The following PTPRD variants were observed in gnomAD, a reference collection of about 807,000 sequenced individuals.
PTPRD encodes the protein protein tyrosine phosphatase receptor type D.
PTPRD carries 34 observed loss-of-function variants against 214.5 expected under a neutral mutation model. The observed-to-expected ratio is 0.16, with a 90% confidence interval of 0.12 to 0.21. The LOEUF (loss-of-function observed/expected upper bound fraction) is 0.21. PTPRD is among the 10% of genes least tolerant of loss of function. The pLI is 1.00. For synonymous variants in PTPRD, 1,128 were observed against 845.7 expected, an observed-to-expected ratio of 1.33 and a Z score of -5.79; for missense variants, 2,545 against 2,398.7, an observed-to-expected ratio of 1.06 and a Z score of -1.27.
chr9:8,611,660 G>A (rs1467357267), intron 14 of PTPRD, among the ~76,000 whole-genome samples: 3 of 151,216 alleles, frequency 2.0e-5, no homozygotes, highest in African/African-American at 7.3e-5. Context: ...ACCTGTGTGT[G>A]ATCCAGCCAC....
At chr9:8,391,836 C>G (rs898704611) in intron 36 of PTPRD, among the ~76,000 whole-genome samples, 4 of 152,096 alleles carry the variant, frequency 2.6e-5, no homozygotes, top group Non-Finnish European at 5.9e-5. Flanking sequence ...AGGAGATGCA[C>G]AGGAGAATCA....
intron 11 of PTPRD, among the ~76,000 whole-genome samples, chr9:8,856,222 A>C (rs893314451): frequency 1.3e-5 from 2 of 151,978 alleles, no homozygotes; most frequent in Admixed American, 1.3e-4. Context: ...ATCTCTACAG[A>C]TCCCTTTACA....
chr9:10,214,136 T>G (rs2099529784), intron 3 of PTPRD, among the ~76,000 whole-genome samples: 1 of 152,172 alleles, frequency 6.6e-6, no homozygotes, highest in South Asian at 2.1e-4. Context: ...ATGCTTTGCT[T>G]TAATTTTTAC....
intron 11 of PTPRD, among the ~76,000 whole-genome samples, chr9:8,902,453 C>T (rs1203253284): frequency 5.3e-5 from 8 of 151,480 alleles, no homozygotes; most frequent in African/African-American, 1.9e-4. Flanking sequence ...AGTGATTCTC[C>T]TGCCTCAGCC....
rs145325302 is a variant in PTPRD, at chr9:8,518,098, C to G, written c.1293G>C (p.Ser431=). Residue 431 remains serine (S), a synonymous_variant, in exon 21 of 46, where the codon TCG becomes TCC. Transcript: ENST00000381196. ...PRDVQARMLS[S]TTILVQWKEP... ...CCTTCCACTGTACCAAAATGGTGGT[C>G]GAACTCAACATTCGTGCCTGGACAT... 1.2e-6 allele frequency: 2 copies of G among 1,614,132 alleles called. No individual in the cohort carries two copies. Among genetic ancestry groups the G allele is most frequent in the Non-Finnish European group, 1.7e-6 (2 of 1,180,024 alleles).
chr9:9,723,414 T>A (rs1278537966), intron 7 of PTPRD, among the ~76,000 whole-genome samples: 1 of 152,094 alleles, frequency 6.6e-6, no homozygotes, highest in Non-Finnish European at 1.5e-5. Context: ...AACAATGCCA[T>A]ACTTCATTGA....
rs146966054 is a variant in PTPRD at position 9,963,020 on chromosome 9, A to C, written c.-471-24410T>G. ...TTATATAGTTACACTATATAAAGTAAAAGTAGTATTTAAAGGTTATCTGAC... is the reference window on the plus strand; with the variant it reads ...TTATATAGTTACACTATATAAAGTACAAGTAGTATTTAAAGGTTATCTGAC... On this transcript the variant is annotated intron_variant, in intron 4 of 45. Transcript: ENST00000381196. Among the ~76,000 whole-genome samples, 13 of 152,140 alleles carry C rather than the reference A, an allele frequency of 8.5e-5. No homozygotes were observed. In the East Asian group the frequency reaches 2.5e-3, roughly 29 times the overall value.
intron 3 of PTPRD, among the ~76,000 whole-genome samples, chr9:10,270,801 C>T (rs2094374128): frequency 1.3e-5 from 2 of 152,062 alleles, no homozygotes; most frequent in Admixed American, 1.3e-4. Context: ...ATACATTGTA[C>T]AGTTTTTCCT....
intron 3 of PTPRD, among the ~76,000 whole-genome samples, chr9:10,056,404 T>C (rs2097649578): frequency 6.6e-6 from 1 of 150,936 alleles, no homozygotes; most frequent in South Asian, 2.1e-4. Context: ...CAATAAAAGA[T>C]ACCCACAGGA....
intron 7 of PTPRD, among the ~76,000 whole-genome samples, chr9:9,692,369 T>C (rs1166737381): frequency 6.6e-6 from 1 of 152,078 alleles, no homozygotes; most frequent in Non-Finnish European, 1.5e-5. Flanking sequence ...CCCAGCACCA[T>C]TTATTGAAGA....
chr9:10,141,614 A>G lies in PTPRD; in HGVS notation c.-544-107824T>C, dbSNP rs1436682747. On this transcript the variant is annotated intron_variant, in intron 3 of 45. Transcript: ENST00000381196. ...ACGAAATAAAAGAGGATACAAACAA[A>G]TGGAAGAATATTCCATGCTCATGGG... Among the ~76,000 whole-genome samples, 3 of 152,096 alleles carry G rather than the reference A, an allele frequency of 2.0e-5. No homozygotes were observed. The East Asian group carries it at 5.8e-4, about 29-fold the overall frequency.
chr9:9,915,069 T>C (rs760049460), intron 5 of PTPRD, among the ~76,000 whole-genome samples: 4 of 152,158 alleles, frequency 2.6e-5, no homozygotes, highest in Non-Finnish European at 5.9e-5. Flanking sequence ...CTCGCCATTA[T>C]CACCACAAAC....
rs2098967009 is a variant in PTPRD at position 9,791,500 on chromosome 9, T to A, written c.-367-24649A>T. On this transcript the variant is annotated intron_variant, in intron 5 of 45. Transcript: ENST00000381196. ...CATCTTGTGTGGAATCATAAAAGAG[T>A]CTCTTTCTTATAATGGGTTCTATCA... Among the ~76,000 whole-genome samples, 3 of 151,868 alleles carry A rather than the reference T, an allele frequency of 2.0e-5. No homozygotes were observed. The South Asian group carries it at 6.2e-4, about 31-fold the overall frequency.
intron 4 of PTPRD, among the ~76,000 whole-genome samples, chr9:9,984,522 A>G (rs924664053): frequency 6.6e-6 from 1 of 152,184 alleles, no homozygotes; most frequent in Non-Finnish European, 1.5e-5. Flanking sequence ...GATTGGACGC[A>G]GGTGAGCCAC....
intron 2 of PTPRD, among the ~76,000 whole-genome samples, chr9:10,384,467 A>G (rs947442737): frequency 2.0e-5 from 3 of 151,822 alleles, no homozygotes; most frequent in Non-Finnish European, 4.4e-5. Context: ...TAATACATAT[A>G]TTGAGCAAAA....
At chr9:9,246,052 A>G (rs971942386) in intron 9 of PTPRD, among the ~76,000 whole-genome samples, 3 of 152,042 alleles carry the variant, frequency 2.0e-5, no homozygotes, top group African/African-American at 7.2e-5. Flanking sequence ...TTTTAATGAG[A>G]CTAAACTGAT....
At chr9:10,254,618 C>CA (rs2093083481) in intron 3 of PTPRD, among the ~76,000 whole-genome samples, 1 of 152,142 alleles carries the variant, frequency 6.6e-6, no homozygotes, top group Admixed American at 6.6e-5. Flanking sequence ...ATTATCTTTG[C>CA]AGTCCTCACA....
chr9:9,534,204 G>A (rs1424632595), intron 8 of PTPRD, among the ~76,000 whole-genome samples: 2 of 152,056 alleles, frequency 1.3e-5, no homozygotes, highest in Non-Finnish European at 2.9e-5. Context: ...ACTTGTTAAT[G>A]TTTCTCTATA....
intron 9 of PTPRD, among the ~76,000 whole-genome samples, chr9:9,222,596 T>C (rs886621351): frequency 1.2e-4 from 19 of 152,178 alleles, no homozygotes; most frequent in African/African-American, 3.9e-4. Flanking sequence ...GTCCCTACCA[T>C]ATATTTTCTT....
Sources: allele counts gnomAD v4.1 joint callset (sites outside exome capture counted in the v4.1 genomes callset), GRCh38; gene constraint gnomAD v4.1.1; transcripts MANE v1.5; gene names NCBI Gene and HGNC (gene_info 2026-07-23, HGNC 2026-07-21).